SEMA6D: variants seen among roughly 807,000 people sequenced by gnomAD.
SEMA6D encodes the protein semaphorin-6D.
SEMA6D carries 35 observed loss-of-function variants against 106.6 expected under a neutral mutation model. The ratio of observed to expected loss-of-function variants is 0.33; its 90% CI spans 0.25 to 0.44. The LOEUF (loss-of-function observed/expected upper bound fraction) is 0.44, where lower values mean the gene tolerates loss of function less well. SEMA6D is among the 20% of genes least tolerant of loss of function. The probability of loss-of-function intolerance (pLI) is 1.00; values close to 1 mark genes in which losing one functional copy is unlikely to be tolerated. For synonymous variants in SEMA6D, 499 were observed against 487.7 expected, an observed-to-expected ratio of 1.02 and a Z score of -0.31; for missense variants, 1,185 against 1,345.9, an observed-to-expected ratio of 0.88 and a Z score of 1.87.
chr15:47,392,164 G>A (rs1313634402), intron 1 of SEMA6D, among the ~76,000 whole-genome samples: 6 of 152,144 alleles, frequency 3.9e-5, no homozygotes, highest in African/African-American at 1.4e-4. Flanking sequence ...AAAACGATCT[G>A]AATGACAGTT....
chr15:47,337,041 A>G (rs1248493313), intron 1 of SEMA6D, among the ~76,000 whole-genome samples: 1 of 152,136 alleles, frequency 6.6e-6, no homozygotes, highest in African/African-American at 2.4e-5. Flanking sequence ...CCATACACTC[A>G]GGCAACAGGG....
intron 2 of SEMA6D, among the ~76,000 whole-genome samples, chr15:47,444,302 G>C (rs1357040689): frequency 1.3e-5 from 2 of 152,154 alleles, no homozygotes; most frequent in Non-Finnish European, 2.9e-5. Context: ...TCACAAAGGA[G>C]AAAGTTCATA....
At chr15:47,273,884 G>T (rs181382126) in intron 1 of SEMA6D, among the ~76,000 whole-genome samples, 4 of 152,170 alleles carry the variant, frequency 2.6e-5, no homozygotes, top group African/African-American at 9.7e-5. Context: ...TAAGTGATAG[G>T]CATAGTGGGG....
At chr15:47,595,888 G>GATGC (rs1165384057) in intron 3 of SEMA6D, among the ~76,000 whole-genome samples, 2 of 151,998 alleles carry the variant, frequency 1.3e-5, no homozygotes, top group Admixed American at 1.3e-4. Context: ...ACAACATGAA[G>GATGC]ATGCCCACTT....
intron 3 of SEMA6D, among the ~76,000 whole-genome samples, chr15:47,498,983 G>C (rs922294493): frequency 6.6e-6 from 1 of 152,148 alleles, no homozygotes; most frequent in East Asian, 1.9e-4. Flanking sequence ...ATTCTCTTAA[G>C]TAACCCAGTG....
chr15:47,718,490 C>G (rs1048718984), intron 1 of SEMA6D: 1 of 152,236 alleles, frequency 6.6e-6, no homozygotes, highest in South Asian at 2.1e-4. Flanking sequence ...GCCCGGAGGG[C>G]GGCCGCTTCC....
At chr15:47,581,306 A>G (rs760369379) in intron 3 of SEMA6D, 1 of 483,388 alleles carries the variant, frequency 2.1e-6, no homozygotes, top group Non-Finnish European at 4.1e-6. Flanking sequence ...ATTTCATGTG[A>G]CATAGTGATT....
rs1450256976 is a variant in SEMA6D at position 47,511,512 on chromosome 15, AC to A, written c.-87+40973del. 7.9e-5 allele frequency among the ~76,000 whole-genome samples: 12 copies of A among 151,878 alleles called. No homozygotes were observed. The South Asian group carries it at 1.3e-3, about 16-fold the overall frequency. ...CCTGCTTCTCAGATCAGTTTTCACT[AC>A]CCCCCTCCTGCCACATGTGTTAGGT... On this transcript the variant is annotated intron_variant, in intron 3 of 19. Coordinates refer to the SEMA6D transcript ENST00000558014.
intron 1 of SEMA6D, among the ~76,000 whole-genome samples, chr15:47,374,834 C>T (rs972522661): frequency 1.3e-5 from 2 of 152,140 alleles, no homozygotes; most frequent in African/African-American, 4.8e-5. Context: ...GATCTGGGCA[C>T]TGAGGCTGAG....
intron 1 of SEMA6D, among the ~76,000 whole-genome samples, chr15:47,291,187 A>T (rs1160587946): frequency 2.0e-5 from 3 of 152,232 alleles, no homozygotes; most frequent in Non-Finnish European, 4.4e-5. Context: ...AAGGGCTATG[A>T]AAATTTGAAT....
At chr15:47,399,118 C>A (rs1265338252) in intron 1 of SEMA6D, among the ~76,000 whole-genome samples, 1 of 152,128 alleles carries the variant, frequency 6.6e-6, no homozygotes, top group Non-Finnish European at 1.5e-5. Context: ...CTATATATTT[C>A]CTCAGTTAAA....
chr15:47,209,092 G>A (rs951058656), intron 1 of SEMA6D, among the ~76,000 whole-genome samples: 2 of 152,074 alleles, frequency 1.3e-5, no homozygotes, highest in African/African-American at 4.8e-5. Flanking sequence ...TTTCTAATAG[G>A]TAGGATAATC....
chr15:47,200,597 C>T (rs977983432), intron 1 of SEMA6D, among the ~76,000 whole-genome samples: 7 of 152,054 alleles, frequency 4.6e-5, no homozygotes, highest in South Asian at 2.1e-4. Flanking sequence ...ATTAATTATG[C>T]GCTATTCTAA....
At chr15:47,517,938 A>G (rs2044441898) in intron 3 of SEMA6D, among the ~76,000 whole-genome samples, 1 of 152,008 alleles carries the variant, frequency 6.6e-6, no homozygotes, top group Admixed American at 6.6e-5. Flanking sequence ...ACCCTGACCC[A>G]CTGTTTTGTT....
chr15:47,468,824 C>G (rs74379885), intron 2 of SEMA6D, among the ~76,000 whole-genome samples: 2,528 of 152,168 alleles, frequency 0.017, 30 homozygotes, highest in Middle Eastern at 0.024. Context: ...AGGGAGTAGC[C>G]CTTCCCCTGG....
At chr15:47,476,549 T>C (rs1405933366) in intron 3 of SEMA6D, among the ~76,000 whole-genome samples, 3 of 152,166 alleles carry the variant, frequency 2.0e-5, no homozygotes, top group Non-Finnish European at 4.4e-5. Context: ...GTAGTATTTC[T>C]TTCACTTATC....
At chr15:47,286,994 C>T (rs558402689) in intron 1 of SEMA6D, among the ~76,000 whole-genome samples, 1 of 152,270 alleles carries the variant, frequency 6.6e-6, no homozygotes, top group Non-Finnish European at 1.5e-5. Flanking sequence ...ATTTCTCCCC[C>T]TCTTCCAAGC....
chr15:47,507,388 C>T (rs974732246), intron 3 of SEMA6D, among the ~76,000 whole-genome samples: 1 of 137,288 alleles, frequency 7.3e-6, no homozygotes, highest in Admixed American at 7.8e-5. Flanking sequence ...AGACCAGATG[C>T]TGCCTGAGTC....
At chr15:47,598,153 T>G (rs1898110) in intron 3 of SEMA6D, among the ~76,000 whole-genome samples, 63,786 of 151,684 alleles carry the variant, frequency 0.42, 14,935 homozygotes, top group South Asian at 0.53. Context: ...CCAGGAAATC[T>G]CAAGGGGTGA....
Sources: gnomAD v4.1 joint callset for allele counts (sites outside exome capture counted in the v4.1 genomes callset) on GRCh38, gnomAD v4.1.1 for gene constraint, MANE v1.5 for transcripts, NCBI Gene and HGNC (gene_info 2026-07-23, HGNC 2026-07-21) for gene names.